Variants in ESRRB observed in about 807,000 individuals in gnomAD.
The protein encoded by ESRRB is estrogen related receptor beta.
A neutral mutation model predicts 46.0 loss-of-function variants in ESRRB; 16 were observed. The observed-to-expected ratio is 0.35, with a 90% CI of 0.24 to 0.53. The LOEUF (loss-of-function observed/expected upper bound fraction) is 0.53, where lower values mean the gene tolerates loss of function less well. Ranked by LOEUF, ESRRB falls within the 20% of genes least tolerant of loss-of-function variation. ESRRB has a pLI of 0.93. For missense variants in ESRRB, 488 were observed against 607.4 expected, an observed-to-expected ratio of 0.80 and a Z score of 2.07; for synonymous variants, 246 against 259.6, an observed-to-expected ratio of 0.95 and a Z score of 0.50.
In ESRRB at chr14:76,441,615, G is replaced by C. The variant is rs532560136; in HGVS notation, c.460+1865G>C. Among the ~76,000 whole-genome samples the C allele has an allele frequency of 5.9e-5, 9 of 152,324 alleles. No individual in the cohort carries two copies. The South Asian group carries it at 1.9e-3, about 32-fold the overall frequency. On this transcript the variant is annotated intron_variant, in intron 2 of 6. Coordinates refer to ENST00000644823, the MANE Select transcript of ESRRB (RefSeq NM_001379180.1). ...TTACAGGCCTGAGCCACCGTGCCTC[G>C]CCGATAGCTGTGACTGTTAATTGCG...
intron 1 of ESRRB, among the ~76,000 whole-genome samples, chr14:76,329,518 T>C (rs1295980173): frequency 1.3e-5 from 2 of 152,134 alleles, no homozygotes; most frequent in Non-Finnish European, 2.9e-5. Flanking sequence ...ATAAACAAAT[T>C]AGCATCCTTT....
chr14:76,408,948 A>G (rs1176597955), intron 1 of ESRRB, among the ~76,000 whole-genome samples: 1 of 152,066 alleles, frequency 6.6e-6, no homozygotes, highest in African/African-American at 2.4e-5. Context: ...TATTGTTGTC[A>G]CTCCCATTTT....
chr14:76,432,671 CTTTT>C (rs529243634), intron 1 of ESRRB, among the ~76,000 whole-genome samples: 7,396 of 111,306 alleles, frequency 0.066, 404 homozygotes, highest in Middle Eastern at 0.092. Context: ...TTCTCTCTCT[CTTTT>C]TTTTTTTTTT....
At chr14:76,493,258 G>A (rs1308799634) in intron 6 of ESRRB, among the ~76,000 whole-genome samples, 2 of 152,240 alleles carry the variant, frequency 1.3e-5, no homozygotes, top group East Asian at 3.9e-4. Context: ...GGGTTCAAGC[G>A]ATTCTCGTGT....
intron 1 of ESRRB, among the ~76,000 whole-genome samples, chr14:76,420,073 T>C (rs912008036): frequency 2.0e-5 from 3 of 152,220 alleles, no homozygotes; most frequent in African/African-American, 7.2e-5. Context: ...GTGTTTCATT[T>C]TGTAATGTAG....
chr14:76,418,109 C>G (rs1191742161), intron 1 of ESRRB, among the ~76,000 whole-genome samples: 1 of 151,934 alleles, frequency 6.6e-6, no homozygotes. Context: ...ACGCCCGCCA[C>G]CATGCGTGGC....
upstream of ESRRB, among the ~76,000 whole-genome samples, chr14:76,367,656 T>A (rs1884539330): frequency 1.3e-5 from 2 of 151,964 alleles, no homozygotes; most frequent in South Asian, 4.2e-4. Context: ...GGTGCCATCA[T>A]CTGGCTTCTC....
At chr14:76,357,385 G>A (rs1884395078) in intron 1 of ESRRB, among the ~76,000 whole-genome samples, 1 of 152,246 alleles carries the variant, frequency 6.6e-6, no homozygotes, top group African/African-American at 2.4e-5. Context: ...GAAGAAAAAG[G>A]ATGCATGAGA....
chr14:76,461,061 C>T (rs1162411688), intron 2 of ESRRB, among the ~76,000 whole-genome samples: 1 of 152,050 alleles, frequency 6.6e-6, no homozygotes, highest in Non-Finnish European at 1.5e-5. Flanking sequence ...GTCTTTCCCT[C>T]CATTACCAGG....
At chr14:76,415,142 G>A (rs1412701532) in intron 1 of ESRRB, among the ~76,000 whole-genome samples, 15 of 152,172 alleles carry the variant, frequency 9.9e-5, no homozygotes, top group Non-Finnish European at 5.9e-5. Context: ...GGACTGGCAA[G>A]ACGCTAACTC....
At chr14:76,470,152 T>G (rs1889322102) in intron 3 of ESRRB, among the ~76,000 whole-genome samples, 1 of 152,110 alleles carries the variant, frequency 6.6e-6, no homozygotes, top group South Asian at 2.1e-4. Context: ...TTTCACCATG[T>G]TGGCCCAGGC....
intron 1 of ESRRB, among the ~76,000 whole-genome samples, chr14:76,430,562 C>T (rs930168724): frequency 2.0e-5 from 3 of 152,214 alleles, no homozygotes; most frequent in African/African-American, 7.2e-5. Flanking sequence ...CCTCAGGCAA[C>T]ATCCACTGAG....
chr14:76,452,613 C>CT (rs1441129355), intron 2 of ESRRB, among the ~76,000 whole-genome samples: 3 of 119,212 alleles, frequency 2.5e-5, no homozygotes, highest in Non-Finnish European at 5.1e-5. Flanking sequence ...GAGTGAGACT[C>CT]TGTCTCCAAA....
intron 1 of ESRRB, among the ~76,000 whole-genome samples, chr14:76,420,440 T>C (rs1886891239): frequency 6.6e-6 from 1 of 152,232 alleles, no homozygotes; most frequent in South Asian, 2.1e-4. Flanking sequence ...TCGTGCTATT[T>C]ATTATATTTT....
chr14:76,500,156 ACG>A lies in ESRRB; in HGVS notation c.*1699_*1700del. 1.7e-6 allele frequency: 2 copies of A among 1,151,454 alleles called. No individual in the cohort carries two copies. Among genetic ancestry groups the A allele is most frequent in the Non-Finnish European group, 2.5e-6 (2 of 806,428 alleles). The allele number at this position is 1,151,454 out of a possible 1,614,324, so 71.3% of individuals were successfully genotyped here. A position where few individuals can be genotyped will look rare whatever the true frequency, so the allele number is the denominator to read the frequency against. On this transcript the variant is annotated 3_prime_UTR_variant, in exon 7 of 7. Coordinates refer to ENST00000644823, the MANE Select transcript of ESRRB (RefSeq NM_001379180.1). ...TCCCGGCCTGGGCTTCTGGGCTGGG[ACG>A]TGCTGAGGTCATCCCAGACAGGAGG... is the stretch of plus-strand genomic sequence containing the variant.
chr14:76,462,496 G>A (rs1463540367), intron 2 of ESRRB, 49 bp from the exon 3 acceptor site: 2 of 1,450,808 alleles, frequency 1.4e-6, no homozygotes, highest in Non-Finnish European at 1.9e-6. Context: ...TGGCAGGTGG[G>A]GGCCCTGGGC....
intron 1 of ESRRB, among the ~76,000 whole-genome samples, chr14:76,432,542 G>A (rs1445643028): frequency 1.3e-5 from 2 of 152,270 alleles, no homozygotes; most frequent in East Asian, 1.9e-4. Context: ...AGGCTGAGTG[G>A]AGGTGGTGTG....
In ESRRB at chr14:76,482,680, C is replaced by T; in HGVS notation, c.771C>T (p.Asp257=). 2 of 1,614,144 alleles carry T rather than the reference C, an allele frequency of 1.2e-6. No individual in the cohort carries two copies. Among genetic ancestry groups the T allele is most frequent in the Non-Finnish European group, 1.7e-6 (2 of 1,180,004 alleles). The part of the protein sequence containing the change: ...AMPPPGMPEG[D]IKALTTLCDL... ...CTCCCCCTGGTATGCCTGAGGGGGA[C>T]ATCAAGGCCCTGACCACTCTCTGTG... The change falls in exon 5 of 7, where the codon GAC becomes GAT. Residue 257 remains aspartate, a synonymous_variant. Transcript: ENST00000644823. The surrounding 1 kb of genome is among the most constrained non-coding windows in gnomAD (Gnocchi z 4.3).
chr14:76,330,760 G>A (rs1163829941), intron 1 of ESRRB, among the ~76,000 whole-genome samples: 5 of 152,210 alleles, frequency 3.3e-5, no homozygotes. Flanking sequence ...TGTGAGCAAA[G>A]GCTCAGGGTG....
Sources: gnomAD v4.1 joint callset for allele counts (sites outside exome capture counted in the v4.1 genomes callset) on GRCh38, gnomAD v4.1.1 for gene constraint, Gnocchi (gnomAD v3.1) non-coding constraint, MANE v1.5 for transcripts, NCBI Gene and HGNC (gene_info 2026-07-23, HGNC 2026-07-21) for gene names.